The following CCDC60 variants were observed in gnomAD, a reference collection of about 807,000 sequenced individuals.
CCDC60 encodes coiled-coil domain-containing protein 60.
CCDC60 carries 54 observed loss-of-function variants against 63.5 expected under a neutral mutation model. That is an observed-to-expected ratio of 0.85 (90% confidence interval 0.68 to 1.07). The LOEUF is 1.07. Among genes scored for constraint, CCDC60 ranks in the 50% least tolerant of loss-of-function variants. The pLI is 0.00. For synonymous variants in CCDC60, 206 were observed against 238.8 expected (o/e 0.86, Z 1.27); for missense variants, 651 against 684.3 (o/e 0.95, Z 0.54).
In CCDC60 at chr12:119,400,747, G is replaced by C. The variant is rs191537963; in HGVS notation, c.91-27936G>C. ...CTCCCAAATGATGCTGCTGGCATTG[G>C]TTCATGGACCACGGCTTGAGCAGCA... On this transcript the variant is annotated intron_variant, in intron 1 of 13. Transcript: ENST00000327554. Among the ~76,000 whole-genome samples the C allele has an allele frequency of 8.3e-4, 127 of 152,346 alleles. 1 individual carries two copies. The highest frequency in any genetic ancestry group is 2.5e-3 in the Admixed American group (39 of 15,306).
intron 1 of CCDC60, among the ~76,000 whole-genome samples, chr12:119,351,834 A>G (rs1249669277): frequency 6.6e-6 from 1 of 152,126 alleles, no homozygotes; most frequent in Non-Finnish European, 1.5e-5. Flanking sequence ...ACTTTCCCTC[A>G]TCTTTCTGTC....
chr12:119,516,476 C>T lies in CCDC60; in HGVS notation c.884-147C>T, dbSNP rs1232353897. On this transcript the variant is annotated intron_variant, in intron 7 of 13. Transcript: ENST00000327554. ...CAACATGCCCAACACTATCAGCCAC[C>T]TCTTCTGGACCCCAGTGGAATCTCT... is the stretch of plus-strand genomic sequence containing the variant. 5.0e-6 allele frequency: 3 copies of T among 594,742 alleles called. No homozygotes were observed. The African/African-American group carries it at 5.6e-5, about 11-fold the overall frequency. 36.8% of individuals were successfully genotyped at this position (594,742 alleles called of 1,614,324 possible). A position where few individuals can be genotyped will look rare whatever the true frequency, so the allele number is the denominator to read the frequency against.
intron 7 of CCDC60, among the ~76,000 whole-genome samples, chr12:119,513,106 G>T (rs1952256661): frequency 6.6e-6 from 1 of 152,170 alleles, no homozygotes; most frequent in Admixed American, 6.5e-5. Flanking sequence ...AGGAAAAAGC[G>T]GTCCCAAAGC....
intron 1 of CCDC60, among the ~76,000 whole-genome samples, chr12:119,396,421 G>A (rs1956255587): frequency 2.0e-5 from 3 of 152,142 alleles, no homozygotes; most frequent in Admixed American, 2.0e-4. Flanking sequence ...GTGGCAGTGG[G>A]AACCTAGGAG....
intron 1 of CCDC60, among the ~76,000 whole-genome samples, chr12:119,361,157 G>A (rs1413324925): frequency 1.4e-5 from 2 of 143,072 alleles, no homozygotes; most frequent in African/African-American, 5.1e-5. Context: ...CATGGGGAGA[G>A]GGAGACCATG....
intron 9 of CCDC60, among the ~76,000 whole-genome samples, chr12:119,522,355 G>A (rs780282644): frequency 3.9e-5 from 6 of 152,202 alleles, no homozygotes; most frequent in African/African-American, 7.2e-5. Flanking sequence ...GTATCCATAC[G>A]AGGATTCAGT....
At chr12:119,497,281 C>A (rs565355026) in intron 5 of CCDC60, among the ~76,000 whole-genome samples, 1 of 152,228 alleles carries the variant, frequency 6.6e-6, no homozygotes, top group African/African-American at 2.4e-5. Flanking sequence ...TCTCTGCCCT[C>A]CTCCACAAGG....
intron 5 of CCDC60, among the ~76,000 whole-genome samples, chr12:119,492,645 A>G (rs2136388303): frequency 6.6e-6 from 1 of 152,322 alleles, no homozygotes; most frequent in South Asian, 2.1e-4. Flanking sequence ...CAAAGGGTTT[A>G]GCATCAGATG....
At chr12:119,512,975 T>C (rs189003380) in intron 7 of CCDC60, among the ~76,000 whole-genome samples, 1 of 152,332 alleles carries the variant, frequency 6.6e-6, no homozygotes, top group Non-Finnish European at 1.5e-5. Context: ...CTCTTCTCAC[T>C]CCAAGTCCCT....
At chr12:119,458,180 T>C (rs1950783749) in intron 2 of CCDC60, among the ~76,000 whole-genome samples, 1 of 152,242 alleles carries the variant, frequency 6.6e-6, no homozygotes, top group Admixed American at 6.5e-5. Flanking sequence ...ATAAACTGAT[T>C]TATTTGCTAT....
chr12:119,525,904 GA>G (rs894307287), intron 11 of CCDC60, among the ~76,000 whole-genome samples: 2 of 152,040 alleles, frequency 1.3e-5, no homozygotes, highest in Admixed American at 6.5e-5. Flanking sequence ...CACAGAACTA[GA>G]AAAAAATATT....
At chr12:119,412,636 T>C (rs1321341614) in intron 1 of CCDC60, among the ~76,000 whole-genome samples, 2 of 152,172 alleles carry the variant, frequency 1.3e-5, no homozygotes, top group African/African-American at 4.8e-5. Flanking sequence ...ACTCGCTGGG[T>C]GACCTCTGGC....
intron 1 of CCDC60, among the ~76,000 whole-genome samples, chr12:119,427,891 G>A (rs1956928683): frequency 6.6e-6 from 1 of 152,114 alleles, no homozygotes; most frequent in Non-Finnish European, 1.5e-5. Context: ...CCTTACTTGG[G>A]AGACTGAAGC....
chr12:119,524,837 T>G (rs914804885), intron 11 of CCDC60, among the ~76,000 whole-genome samples: 20 of 151,314 alleles, frequency 1.3e-4, no homozygotes, highest in Non-Finnish European at 2.2e-4. Context: ...TTTTGGTTTT[T>G]GGGGTATTTT....
intron 1 of CCDC60, among the ~76,000 whole-genome samples, chr12:119,388,676 AAC>A (rs1454123225): frequency 7.9e-5 from 12 of 152,320 alleles, no homozygotes; most frequent in African/African-American, 2.4e-4. Context: ...ACATCTTGGA[AAC>A]ACATATAATC....
At chr12:119,345,001 A>G (rs970537899) in intron 1 of CCDC60, among the ~76,000 whole-genome samples, 4 of 152,096 alleles carry the variant, frequency 2.6e-5, no homozygotes, top group Non-Finnish European at 5.9e-5. Flanking sequence ...CTTTTGCACC[A>G]TAAAATTCCC....
At chr12:119,360,202 C>T (rs1226968992) in intron 1 of CCDC60, among the ~76,000 whole-genome samples, 3 of 150,380 alleles carry the variant, frequency 2.0e-5, no homozygotes, top group African/African-American at 4.9e-5. Flanking sequence ...GGGCGGCTGG[C>T]TGGGCAGAGG....
In CCDC60 at chr12:119,532,152, C is replaced by T. The variant is rs187896409; in HGVS notation, c.1551+1089C>T. On this transcript the variant is annotated intron_variant, in intron 13 of 13. Coordinates refer to ENST00000327554, the MANE Select transcript of CCDC60 (RefSeq NM_178499.5). Reference sequence around the variant, plus strand: ...TGCCAAGACTCTACTCCCCATGACCCGTGAGGCTCCTTCAGGAAAGATTCT... The same window carrying T: ...TGCCAAGACTCTACTCCCCATGACCTGTGAGGCTCCTTCAGGAAAGATTCT... Among the ~76,000 whole-genome samples the T allele has an allele frequency of 3.5e-4, 54 of 152,188 alleles. No individual in the cohort carries two copies. The East Asian group carries it at 4.3e-3, about 12-fold the overall frequency.
At chr12:119,513,496 T>C (rs1244990118) in intron 7 of CCDC60, among the ~76,000 whole-genome samples, 3 of 152,234 alleles carry the variant, frequency 2.0e-5, no homozygotes, top group South Asian at 2.1e-4. Flanking sequence ...CACTTGAATC[T>C]AGAGCCCGTG....
Sources: gnomAD v4.1 joint callset for allele counts (sites outside exome capture counted in the v4.1 genomes callset) on GRCh38, gnomAD v4.1.1 for gene constraint, MANE v1.5 for transcripts, NCBI Gene and HGNC (gene_info 2026-07-23, HGNC 2026-07-21) for gene names.